ARHGAP24: variants seen among roughly 807,000 people sequenced by gnomAD.
ARHGAP24 encodes Rho GTPase activating protein 24.
Under a neutral mutation model 76.4 loss-of-function variants are expected in ARHGAP24, and 50 were observed. The observed-to-expected ratio is 0.65, with a 90% CI of 0.52 to 0.83. The LOEUF is 0.83. Among genes scored for constraint, ARHGAP24 ranks in the 40% least tolerant of loss-of-function variants. The probability of loss-of-function intolerance (pLI) is 0.00; values close to 1 mark genes in which losing one functional copy is unlikely to be tolerated. For synonymous variants in ARHGAP24, 345 were observed against 323.3 expected, an observed-to-expected ratio of 1.07 and a Z score of -0.72; for missense variants, 930 against 914.2, an observed-to-expected ratio of 1.02 and a Z score of -0.22.
At chr4:85,965,751 A>G (rs1314793705) in intron 5 of ARHGAP24, among the ~76,000 whole-genome samples, 1 of 152,204 alleles carries the variant, frequency 6.6e-6, no homozygotes, top group Admixed American at 6.5e-5. Flanking sequence ...AAAAGTTTTC[A>G]GGTAATTCCA....
At chr4:85,900,455 C>CT (rs200569734) in intron 3 of ARHGAP24, among the ~76,000 whole-genome samples, 4,364 of 145,200 alleles carry the variant, frequency 0.03, 78 homozygotes, top group Middle Eastern at 0.056. Flanking sequence ...GAAGAGCATT[C>CT]TTTTTTTTTT....
intron 1 of ARHGAP24, among the ~76,000 whole-genome samples, chr4:85,541,142 C>CTTTTTTTT (rs70948733): frequency 4.0e-5 from 2 of 49,772 alleles, no homozygotes; most frequent in African/African-American, 1.1e-4. Flanking sequence ...CATCCATGAC[C>CTTTTTTTT]TTTTTTTTTT....
At chr4:85,803,421 C>G (rs1728658066) in intron 3 of ARHGAP24, among the ~76,000 whole-genome samples, 1 of 152,212 alleles carries the variant, frequency 6.6e-6, no homozygotes, top group Non-Finnish European at 1.5e-5. Flanking sequence ...AGGGCGTCTT[C>G]CCTATTACTG....
intron 3 of ARHGAP24, among the ~76,000 whole-genome samples, chr4:85,861,000 GCACA>G (rs70948764): frequency 0.022 from 3,029 of 137,436 alleles, 44 homozygotes; most frequent in African/African-American, 0.036. Flanking sequence ...GTGCATGCAC[GCACA>G]CACACACACA....
At chr4:85,666,882 G>A (rs529556139) in intron 2 of ARHGAP24, among the ~76,000 whole-genome samples, 205 of 152,270 alleles carry the variant, frequency 1.3e-3, no homozygotes, top group Middle Eastern at 6.8e-3. Context: ...GTACCCAGCC[G>A]TGTGAGATGT....
chr4:85,658,320 G>T (rs764104294), intron 2 of ARHGAP24, among the ~76,000 whole-genome samples: 5 of 151,842 alleles, frequency 3.3e-5, no homozygotes, highest in Admixed American at 6.6e-5. Context: ...GATCATTTTT[G>T]GAAATTTATT....
chr4:85,643,695 G>A (rs1056692624), intron 2 of ARHGAP24, among the ~76,000 whole-genome samples: 10 of 151,998 alleles, frequency 6.6e-5, no homozygotes, highest in African/African-American at 2.4e-4. Context: ...TTCCACTCAG[G>A]GGAGTGCAAG....
intron 1 of ARHGAP24, among the ~76,000 whole-genome samples, chr4:85,500,638 T>A (rs1723766548): frequency 6.6e-6 from 1 of 152,176 alleles, no homozygotes; most frequent in Non-Finnish European, 1.5e-5. Context: ...CATGATGCAT[T>A]TAAATTAAGC....
intron 6 of ARHGAP24, among the ~76,000 whole-genome samples, chr4:85,973,035 G>T (rs977696023): frequency 2.6e-5 from 4 of 152,050 alleles, no homozygotes; most frequent in African/African-American, 9.7e-5. Context: ...CACGTACAAA[G>T]TTTTGCATGG....
chr4:85,931,254 G>T (rs1443260781), intron 4 of ARHGAP24, among the ~76,000 whole-genome samples: 2 of 152,056 alleles, frequency 1.3e-5, no homozygotes, highest in Non-Finnish European at 2.9e-5. Flanking sequence ...GGTGGGGTAG[G>T]TGGGGCTTAA....
At chr4:85,585,786 G>A (rs568008691) in intron 2 of ARHGAP24, among the ~76,000 whole-genome samples, 1 of 152,308 alleles carries the variant, frequency 6.6e-6, no homozygotes, top group South Asian at 2.1e-4. Context: ...TGTATTAAAA[G>A]TCCAGTCTGG....
intron 1 of ARHGAP24, among the ~76,000 whole-genome samples, chr4:85,530,534 G>A (rs1175172389): frequency 6.6e-6 from 1 of 151,858 alleles, no homozygotes; most frequent in Non-Finnish European, 1.5e-5. Context: ...TATTTGGAAA[G>A]CATTTGTCGA....
intron 1 of ARHGAP24, among the ~76,000 whole-genome samples, chr4:85,518,811 G>T (rs571024009): frequency 6.6e-6 from 1 of 152,262 alleles, no homozygotes; most frequent in East Asian, 1.9e-4. Flanking sequence ...ATTGTGAATT[G>T]TTCTGCTATA....
intron 2 of ARHGAP24, among the ~76,000 whole-genome samples, chr4:85,619,326 G>A (rs937546535): frequency 3.3e-5 from 5 of 149,370 alleles, no homozygotes; most frequent in Middle Eastern, 6.8e-3. Flanking sequence ...TGGTCTATAT[G>A]TCTGTTTTTA....
intron 2 of ARHGAP24, among the ~76,000 whole-genome samples, chr4:85,654,290 T>G (rs893170352): frequency 6.6e-6 from 1 of 152,182 alleles, no homozygotes; most frequent in Non-Finnish European, 1.5e-5. Context: ...CTCTCTTCTC[T>G]GAGGACCCAG....
chr4:85,775,186 C>T (rs751160242), intron 3 of ARHGAP24, among the ~76,000 whole-genome samples: 3 of 148,058 alleles, frequency 2.0e-5, no homozygotes, highest in African/African-American at 4.9e-5. Flanking sequence ...GATGCTTAAC[C>T]AGAGTGGTCG....
intron 1 of ARHGAP24, among the ~76,000 whole-genome samples, chr4:85,511,682 C>T (rs1724288756): frequency 6.6e-6 from 1 of 152,120 alleles, no homozygotes; most frequent in East Asian, 1.9e-4. Context: ...TCAGGTTGGT[C>T]TCAGTCTCCC....
intron 1 of ARHGAP24, among the ~76,000 whole-genome samples, chr4:85,485,173 G>T (rs1391898461): frequency 6.7e-6 from 1 of 149,540 alleles, no homozygotes; most frequent in African/African-American, 2.5e-5. Context: ...GTGAAACCCC[G>T]TCTCTACTAA....
chr4:85,573,739 G>A (rs1727244784), intron 2 of ARHGAP24, among the ~76,000 whole-genome samples: 1 of 152,160 alleles, frequency 6.6e-6, no homozygotes, highest in Non-Finnish European at 1.5e-5. Context: ...ATGATTACAT[G>A]TGTGTGGTTG....
Sources: allele counts gnomAD v4.1 joint callset (sites outside exome capture counted in the v4.1 genomes callset), GRCh38; gene constraint gnomAD v4.1.1; transcripts MANE v1.5; gene names NCBI Gene and HGNC (gene_info 2026-07-23, HGNC 2026-07-21).